NOVA1: variants seen among roughly 807,000 people sequenced by gnomAD.
The protein encoded by NOVA1 is NOVA alternative splicing regulator 1, also known as RNA-binding protein Nova-1.
A neutral mutation model predicts 38.0 loss-of-function variants in NOVA1; 7 were observed. The ratio of observed to expected loss-of-function variants is 0.18; its 90% CI spans 0.10 to 0.35. NOVA1 has a LOEUF of 0.35. NOVA1 is among the 10% of genes least tolerant of loss of function. The probability of loss-of-function intolerance (pLI) is 1.00; values close to 1 mark genes in which losing one functional copy is unlikely to be tolerated. For missense variants in NOVA1, 460 were observed against 616.0 expected (o/e 0.75, Z 2.68); for synonymous variants, 270 against 232.5 (o/e 1.16, Z -1.47).
intron 2 of NOVA1, among the ~76,000 whole-genome samples, chr14:26,584,176 TA>T: frequency 6.6e-6 from 1 of 151,636 alleles, no homozygotes; most frequent in South Asian, 2.1e-4. Flanking sequence ...ACTTGGCACA[TA>T]ACTGGTTAAA....
Position 26,592,718 on chromosome 14 carries a change from A to G in NOVA1, c.280+2692T>C, listed in dbSNP as rs1893932233. Reference sequence around the variant, plus strand: ...ACTCATAAAGGCAGGGTTGCTTAAGATATTTTCAAAAGAAATAAGAAAAAC... The same window carrying G: ...ACTCATAAAGGCAGGGTTGCTTAAGGTATTTTCAAAAGAAATAAGAAAAAC... On this transcript the variant is annotated intron_variant, in intron 2 of 4. Coordinates refer to ENST00000539517, the MANE Select transcript of NOVA1 (RefSeq NM_002515.3). The G allele has an allele frequency of 2.0e-5, 3 of 151,724 alleles. 1 individual carries two copies. The South Asian group carries it at 6.2e-4, about 31-fold the overall frequency. The allele number at this position is 151,724 out of a possible 1,614,324, so 9.4% of individuals were successfully genotyped here. A position where few individuals can be genotyped will look rare whatever the true frequency, so the allele number is the denominator to read the frequency against.
chr14:26,481,174 T>C (rs1277837790), intron 2 of NOVA1, among the ~76,000 whole-genome samples: 1 of 152,128 alleles, frequency 6.6e-6, no homozygotes, highest in Non-Finnish European at 1.5e-5. Context: ...AAGTATTTCT[T>C]TTCTAAACAG....
At chr14:26,581,692 C>A (rs1893235809) in intron 2 of NOVA1, among the ~76,000 whole-genome samples, 1 of 151,768 alleles carries the variant, frequency 6.6e-6, no homozygotes, top group Non-Finnish European at 1.5e-5. Context: ...AATGTATAAC[C>A]TATCAGAAAT....
intron 2 of NOVA1, among the ~76,000 whole-genome samples, chr14:26,527,122 T>G (rs1231429420): frequency 6.6e-6 from 1 of 152,218 alleles, no homozygotes; most frequent in African/African-American, 2.4e-5. Context: ...AAGAGAACTC[T>G]GCTCACTAGG....
At chr14:26,500,795 T>G (rs1339844344) in intron 2 of NOVA1, among the ~76,000 whole-genome samples, 1 of 152,000 alleles carries the variant, frequency 6.6e-6, no homozygotes, top group Non-Finnish European at 1.5e-5. Context: ...GATACAAGAT[T>G]TTTTAAAGTA....
At chr14:26,479,668 A>C (rs1885277131) in intron 3 of NOVA1, 1 of 347,676 alleles carries the variant, frequency 2.9e-6, no homozygotes, top group Admixed American at 4.6e-5. Flanking sequence ...AAAAAGTGAT[A>C]TAATTTTAAA....
At chr14:26,526,330 T>C (rs1044812755) in intron 2 of NOVA1, among the ~76,000 whole-genome samples, 6 of 152,154 alleles carry the variant, frequency 3.9e-5, no homozygotes, top group South Asian at 4.1e-4. Context: ...CAAATTTGGA[T>C]TGGTTGCTTT....
intron 4 of NOVA1, among the ~76,000 whole-genome samples, chr14:26,458,005 A>G (rs1401300021): frequency 6.6e-6 from 1 of 152,172 alleles, no homozygotes; most frequent in Non-Finnish European, 1.5e-5. Context: ...CAACCCCATT[A>G]AAAATGGGCA....
Position 26,597,472 on chromosome 14 carries a change from T to C in NOVA1, c.-36A>G, listed in dbSNP as rs751500799. 1 of 1,275,804 alleles carries C rather than the reference T, an allele frequency of 7.8e-7. No individual in the cohort carries two copies. Among genetic ancestry groups the C allele is most frequent in the Non-Finnish European group, 1.0e-6 (1 of 1,003,496 alleles). The allele number at this position is 1,275,804 out of a possible 1,614,324, so 79.0% of individuals were successfully genotyped here. A position where few individuals can be genotyped will look rare whatever the true frequency, so the allele number is the denominator to read the frequency against. Reference sequence around the variant, plus strand: ...CCTGCCGCTGCTACCGGGAGAAGGTTCTCCCTTTTGTTTTGGCTTTTTCTT... The same window carrying C: ...CCTGCCGCTGCTACCGGGAGAAGGTCCTCCCTTTTGTTTTGGCTTTTTCTT... On this transcript the variant is annotated 5_prime_UTR_variant, in exon 1 of 5. Coordinates refer to ENST00000539517, the MANE Select transcript of NOVA1 (RefSeq NM_002515.3).
intron 2 of NOVA1, among the ~76,000 whole-genome samples, chr14:26,497,352 A>G (rs1000921880): frequency 6.6e-6 from 1 of 152,178 alleles, no homozygotes; most frequent in Non-Finnish European, 1.5e-5. Flanking sequence ...AATCAATATC[A>G]TGAAAATGGC....
At chr14:26,595,620 T>C (rs1894140332) in intron 1 of NOVA1, 67 bp from the exon 2 acceptor site, 1 of 1,431,568 alleles carries the variant, frequency 7.0e-7, no homozygotes, top group Non-Finnish European at 9.5e-7. Flanking sequence ...CTCTCCACCC[T>C]CAAGAGAGAA....
At chr14:26,519,643 G>C (rs1179576909) in intron 2 of NOVA1, 2 of 152,068 alleles carry the variant, frequency 1.3e-5, no homozygotes, top group Admixed American at 6.6e-5. Flanking sequence ...AACTAAAATA[G>C]AATGTATCTT....
intron 2 of NOVA1, among the ~76,000 whole-genome samples, chr14:26,552,406 T>C (rs1191680123): frequency 6.6e-6 from 1 of 152,124 alleles, no homozygotes; most frequent in Admixed American, 6.6e-5. Context: ...ATTAGAGGTA[T>C]GGATGATTCA....
At chr14:26,528,257 ATGCTT>A (rs1229728747) in intron 2 of NOVA1, among the ~76,000 whole-genome samples, 1 of 152,188 alleles carries the variant, frequency 6.6e-6, no homozygotes, top group Non-Finnish European at 1.5e-5. Flanking sequence ...CTGTCCTGTT[ATGCTT>A]ACTAGGTTTA....
chr14:26,457,177 C>A (rs1883251863), intron 4 of NOVA1, among the ~76,000 whole-genome samples: 1 of 145,322 alleles, frequency 6.9e-6, no homozygotes, highest in Non-Finnish European at 1.5e-5. Context: ...ATAAATGAAT[C>A]CTCCAAAAGT....
intron 2 of NOVA1, chr14:26,593,242 T>C (rs906252576): frequency 6.6e-6 from 1 of 151,820 alleles, no homozygotes; most frequent in East Asian, 1.9e-4. Context: ...CTTACGTACA[T>C]CTGAGTAAGA....
chr14:26,502,918 T>C, intron 2 of NOVA1, among the ~76,000 whole-genome samples: 1 of 152,070 alleles, frequency 6.6e-6, no homozygotes, highest in South Asian at 2.1e-4. Context: ...TAAAGTGCTA[T>C]GTTAAACAAT....
chr14:26,465,333 C>T (rs1306273067), intron 4 of NOVA1, among the ~76,000 whole-genome samples: 2 of 152,082 alleles, frequency 1.3e-5, no homozygotes, highest in African/African-American at 4.8e-5. Context: ...CACCACCACA[C>T]CCAGCTAATT....
At chr14:26,478,596 C>A (rs923006624) in intron 3 of NOVA1, among the ~76,000 whole-genome samples, 1 of 151,876 alleles carries the variant, frequency 6.6e-6, no homozygotes, top group African/African-American at 2.4e-5. Flanking sequence ...CACAGTATTA[C>A]TTTCAAGAAT....
Sources: gnomAD v4.1 joint callset for allele counts (sites outside exome capture counted in the v4.1 genomes callset) on GRCh38, gnomAD v4.1.1 for gene constraint, MANE v1.5 for transcripts, NCBI Gene and HGNC (gene_info 2026-07-23, HGNC 2026-07-21) for gene names.